Variants in TRDN observed in about 807,000 individuals in gnomAD.
TRDN encodes the protein triadin.
TRDN carries 161 observed loss-of-function variants against 149.7 expected under a neutral mutation model. That is an observed-to-expected ratio of 1.08 (90% CI 0.95 to 1.23). The LOEUF is 1.23. TRDN is among the 50% of genes most tolerant of loss of function. The pLI is 0.00. For missense variants in TRDN, 896 were observed against 823.5 expected, an observed-to-expected ratio of 1.09 and a Z score of -1.08; for synonymous variants, 294 against 250.5, an observed-to-expected ratio of 1.17 and a Z score of -1.64.
chr6:123,229,986 T>G (rs1775536513), intron 38 of TRDN, among the ~76,000 whole-genome samples: 1 of 152,020 alleles, frequency 6.6e-6, no homozygotes, highest in South Asian at 2.1e-4. Flanking sequence ...AATTCCTTTA[T>G]CATCTTAAAA....
chr6:123,591,779 A>G (rs538584345), intron 1 of TRDN, among the ~76,000 whole-genome samples: 2 of 152,368 alleles, frequency 1.3e-5, no homozygotes, highest in Admixed American at 6.5e-5. Flanking sequence ...GGACTTTTAA[A>G]TGAGCTTGAA....
intron 1 of TRDN, among the ~76,000 whole-genome samples, chr6:123,606,095 TGCAA>T (rs1366259564): frequency 3.3e-5 from 5 of 152,114 alleles, no homozygotes; most frequent in African/African-American, 1.2e-4. Flanking sequence ...ATATTTATAG[TGCAA>T]GCAAGATAAA....
chr6:123,376,246 G>A (rs73771935), intron 18 of TRDN, among the ~76,000 whole-genome samples: 26,382 of 152,056 alleles, frequency 0.17, 2,674 homozygotes, highest in African/African-American at 0.29. Flanking sequence ...CTTCTTACAT[G>A]CGTAAGTGAG....
At chr6:123,358,171 G>C (rs776693565) in intron 20 of TRDN, among the ~76,000 whole-genome samples, 1 of 151,658 alleles carries the variant, frequency 6.6e-6, no homozygotes, top group Non-Finnish European at 1.5e-5. Flanking sequence ...TTCTACTTTT[G>C]TAGAAGCGTA....
chr6:123,577,492 G>A (rs192302151), intron 1 of TRDN, among the ~76,000 whole-genome samples: 5 of 152,162 alleles, frequency 3.3e-5, no homozygotes, highest in Admixed American at 6.5e-5. Flanking sequence ...TCTTTTTATG[G>A]CTGCATAGTA....
intron 12 of TRDN, among the ~76,000 whole-genome samples, chr6:123,419,696 C>T (rs1773812907): frequency 6.6e-6 from 1 of 152,178 alleles, no homozygotes; most frequent in Non-Finnish European, 1.5e-5. Context: ...ATCATCCACA[C>T]TGGACATCTC....
At chr6:123,598,959 C>G (rs982693647) in intron 1 of TRDN, among the ~76,000 whole-genome samples, 1 of 152,022 alleles carries the variant, frequency 6.6e-6, no homozygotes, top group Non-Finnish European at 1.5e-5. Context: ...TAGGATGGGA[C>G]AGTGCTGGGT....
At chr6:123,271,480 T>A (rs929661753) in intron 29 of TRDN, among the ~76,000 whole-genome samples, 1 of 151,924 alleles carries the variant, frequency 6.6e-6, no homozygotes, top group Admixed American at 6.6e-5. Flanking sequence ...AGTGTATTTA[T>A]CTGCCCAGAG....
chr6:123,519,983 A>G (rs1779598981), intron 5 of TRDN, among the ~76,000 whole-genome samples: 1 of 152,132 alleles, frequency 6.6e-6, no homozygotes, highest in Non-Finnish European at 1.5e-5. Context: ...GTAATGTTTT[A>G]TGAAAGAGCA....
At chr6:123,485,560 T>C (rs1339582076) in intron 9 of TRDN, among the ~76,000 whole-genome samples, 2 of 152,096 alleles carry the variant, frequency 1.3e-5, no homozygotes, top group Non-Finnish European at 2.9e-5. Flanking sequence ...GAGAGAATAA[T>C]AATGCTACGT....
chr6:123,406,428 T>C (rs1212265764), intron 12 of TRDN, among the ~76,000 whole-genome samples: 1 of 152,190 alleles, frequency 6.6e-6, no homozygotes, highest in African/African-American at 2.4e-5. Context: ...GCAAGCATTC[T>C]GACCCTAGCC....
intron 39 of TRDN, among the ~76,000 whole-genome samples, chr6:123,222,650 C>T (rs997564135): frequency 1.3e-5 from 2 of 151,728 alleles, no homozygotes; most frequent in Admixed American, 6.6e-5. Flanking sequence ...ATTTATACTT[C>T]GTTGGCTAGA....
chr6:123,515,665 C>G (rs146081237), intron 6 of TRDN, among the ~76,000 whole-genome samples: 474 of 151,966 alleles, frequency 3.1e-3, no homozygotes, highest in Admixed American at 6.4e-3. Flanking sequence ...GAAATGGGAG[C>G]CAGTAGGCTG....
At position 123,530,514 on chromosome 6, in the gene TRDN, T is replaced by A; in HGVS notation, c.476A>T (p.Gln159Leu). The change falls in exon 5 of 41, where the codon CAA becomes CTA. Residue 159 changes from glutamine to leucine, a missense_variant. Coordinates refer to ENST00000334268, the MANE Select transcript of TRDN (RefSeq NM_006073.4). ...TAAAATGAAATGTTTACCTTTAGTT[T>A]GTATTTTCCTTTCAGGTTTCTCTTG... ...EKQEKPERKI[Q>L]TKVTHKEKEK... The A allele has an allele frequency of 8.0e-7, 1 of 1,248,526 alleles. No homozygotes were observed. The highest frequency in any genetic ancestry group is 1.1e-6 in the Non-Finnish European group (1 of 933,136). The allele number at this position is 1,248,526 out of a possible 1,614,324, so 77.3% of individuals were successfully genotyped here.
At chr6:123,343,632 G>A (rs183859773) in intron 21 of TRDN, among the ~76,000 whole-genome samples, 66 of 151,886 alleles carry the variant, frequency 4.3e-4, no homozygotes, top group Non-Finnish European at 9.0e-4. Flanking sequence ...CTAATTCTTC[G>A]AGATTTCCGT....
At chr6:123,349,922 C>T in intron 21 of TRDN, 4 of 982,764 alleles carry the variant, frequency 4.1e-6, no homozygotes, top group African/African-American at 1.8e-5. Context: ...AACACTATTA[C>T]AATTATGTAG....
chr6:123,535,937 C>G (rs753508610), intron 4 of TRDN, among the ~76,000 whole-genome samples: 10 of 152,118 alleles, frequency 6.6e-5, no homozygotes, highest in Non-Finnish European at 1.0e-4. Context: ...ATGTGCATCT[C>G]TGACATCCAT....
intron 9 of TRDN, among the ~76,000 whole-genome samples, chr6:123,475,010 G>A (rs1777392599): frequency 6.6e-6 from 1 of 152,068 alleles, no homozygotes; most frequent in African/African-American, 2.4e-5. Flanking sequence ...AGAAAAGCAA[G>A]AGCAAACATA....
At chr6:123,421,866 C>A (rs906357180) in intron 12 of TRDN, among the ~76,000 whole-genome samples, 36 of 150,784 alleles carry the variant, frequency 2.4e-4, no homozygotes, top group African/African-American at 8.5e-4. Flanking sequence ...CCCAGCAACT[C>A]AGGGGACTGA....
Sources: gnomAD v4.1 joint callset for allele counts (sites outside exome capture counted in the v4.1 genomes callset) on GRCh38, gnomAD v4.1.1 for gene constraint, MANE v1.5 for transcripts, NCBI Gene and HGNC (gene_info 2026-07-23, HGNC 2026-07-21) for gene names.